The following DNAJC5B variants were observed in gnomAD, a reference collection of about 807,000 sequenced individuals.
DNAJC5B encodes DnaJ heat shock protein family (Hsp40) member C5 beta.
A neutral mutation model predicts 24.7 loss-of-function variants in DNAJC5B; 23 were observed. That is an observed-to-expected ratio of 0.93 (90% CI 0.67 to 1.32). The LOEUF (loss-of-function observed/expected upper bound fraction) is 1.32, where lower values mean the gene tolerates loss of function less well. Ranked by LOEUF, DNAJC5B falls within the 40% of genes most tolerant of loss-of-function variation. The pLI is 0.00. For missense variants in DNAJC5B, 238 were observed against 240.8 expected, an observed-to-expected ratio of 0.99 and a Z score of 0.08; for synonymous variants, 101 against 90.1, an observed-to-expected ratio of 1.12 and a Z score of -0.68.
chr8:66,098,590 CTCTT>C (rs1808005003), intron 5 of DNAJC5B, among the ~76,000 whole-genome samples: 1 of 151,990 alleles, frequency 6.6e-6, no homozygotes, highest in East Asian at 1.9e-4. Flanking sequence ...AATATTGTCT[CTCTT>C]TTTTTTTTCT....
intron 5 of DNAJC5B, among the ~76,000 whole-genome samples, chr8:66,093,130 T>G (rs1303837395): frequency 2.0e-5 from 3 of 152,192 alleles, no homozygotes; most frequent in Non-Finnish European, 4.4e-5. Flanking sequence ...ATAATTTACT[T>G]ATCCATTCTA....
intron 5 of DNAJC5B, among the ~76,000 whole-genome samples, chr8:66,086,553 A>G (rs974292605): frequency 3.3e-5 from 5 of 152,186 alleles, no homozygotes; most frequent in African/African-American, 1.2e-4. Flanking sequence ...TTATATAAAG[A>G]TGTTTAAAAG....
chr8:66,095,076 T>C (rs1386704832), intron 5 of DNAJC5B, among the ~76,000 whole-genome samples: 1 of 152,124 alleles, frequency 6.6e-6, no homozygotes, highest in East Asian at 1.9e-4. Context: ...TTCTCAAACT[T>C]TCCTTACTGT....
chr8:66,052,123 T>C (rs1467709769), intron 3 of DNAJC5B, among the ~76,000 whole-genome samples: 1 of 151,338 alleles, frequency 6.6e-6, no homozygotes, highest in Non-Finnish European at 1.5e-5. Flanking sequence ...AGCTAATTTT[T>C]TTTTTTTTTT....
chr8:66,090,103 A>T (rs1370250068), intron 5 of DNAJC5B, among the ~76,000 whole-genome samples: 1 of 152,148 alleles, frequency 6.6e-6, no homozygotes, highest in East Asian at 1.9e-4. Flanking sequence ...GTATATTTTT[A>T]AAAAGCTCAC....
intron 3 of DNAJC5B, chr8:66,058,004 A>G (rs898085753): frequency 2.0e-5 from 3 of 152,266 alleles, no homozygotes; most frequent in African/African-American, 7.2e-5. Flanking sequence ...GAAAGCAGAA[A>G]TATGGGTAAA....
Position 66,051,579 on chromosome 8 carries a change from G to T in DNAJC5B, c.32G>T (p.Arg11Leu), listed in dbSNP as rs139242175. The T allele has an allele frequency of 4.3e-6, 7 of 1,613,804 alleles. No homozygotes were observed. In the African/African-American group the frequency reaches 5.3e-5, roughly 12 times the overall value. The change falls in exon 3 of 6, where the codon CGG (arginine) becomes CTG (leucine). Residue 11 changes from arginine to leucine, a missense_variant. Coordinates refer to ENST00000276570, the MANE Select transcript of DNAJC5B (RefSeq NM_033105.6). MACNIPNQRQ[R>L]TLSTTGEALY... ...TGTAACATACCTAACCAAAGACAGC[G>T]GACTCTGTCAACAACAGGAGAAGCT...
chr8:66,031,194 AAT>A (rs1474750218), intron 1 of DNAJC5B, among the ~76,000 whole-genome samples: 3 of 152,248 alleles, frequency 2.0e-5, no homozygotes, highest in Non-Finnish European at 4.4e-5. Context: ...GGTAGTTATC[AAT>A]ATAAATTTAA....
At chr8:66,097,612 C>T (rs554966265) in intron 5 of DNAJC5B, among the ~76,000 whole-genome samples, 1 of 151,666 alleles carries the variant, frequency 6.6e-6, no homozygotes, top group South Asian at 2.1e-4. Context: ...AATTATATCT[C>T]TAAATTGGGT....
intron 3 of DNAJC5B, among the ~76,000 whole-genome samples, chr8:66,069,937 A>G (rs954917403): frequency 1.3e-5 from 2 of 152,256 alleles, no homozygotes; most frequent in Admixed American, 6.5e-5. Context: ...TCCATCAAGT[A>G]AACCGAACCA....
chr8:66,089,667 A>G (rs1807804041), intron 5 of DNAJC5B, among the ~76,000 whole-genome samples: 1 of 152,190 alleles, frequency 6.6e-6, no homozygotes, highest in Non-Finnish European at 1.5e-5. Context: ...TCTTTGTTCA[A>G]TAGTGGTGGT....
chr8:66,027,677 C>T (rs1032004344), intron 1 of DNAJC5B, among the ~76,000 whole-genome samples: 3 of 152,130 alleles, frequency 2.0e-5, no homozygotes, highest in Non-Finnish European at 4.4e-5. Context: ...ATTTAGAATG[C>T]AAAATCATTA....
chr8:66,074,480 A>G (rs936951388), intron 3 of DNAJC5B, among the ~76,000 whole-genome samples: 1 of 152,228 alleles, frequency 6.6e-6, no homozygotes, highest in African/African-American at 2.4e-5. Flanking sequence ...TAGATTTTGA[A>G]GTGGAAATTA....
chr8:66,067,379 A>G (rs1043843004), intron 3 of DNAJC5B, among the ~76,000 whole-genome samples: 2 of 152,108 alleles, frequency 1.3e-5, no homozygotes, highest in African/African-American at 2.4e-5. Context: ...CTGCAATTTT[A>G]TTGAGATTCT....
intron 3 of DNAJC5B, among the ~76,000 whole-genome samples, chr8:66,073,123 T>C (rs1807385360): frequency 6.6e-6 from 1 of 152,136 alleles, no homozygotes; most frequent in South Asian, 2.1e-4. Flanking sequence ...ATTGTCTATG[T>C]AGAAAATTTA....
At chr8:66,082,661 T>A (rs527526035) in intron 5 of DNAJC5B, among the ~76,000 whole-genome samples, 21 of 152,180 alleles carry the variant, frequency 1.4e-4, no homozygotes, top group Non-Finnish European at 2.1e-4. Context: ...AGGAAAAGCT[T>A]TATCTTGTTT....
At chr8:66,061,460 G>C (rs1304603721) in intron 3 of DNAJC5B, among the ~76,000 whole-genome samples, 2 of 152,100 alleles carry the variant, frequency 1.3e-5, no homozygotes, top group Non-Finnish European at 2.9e-5. Flanking sequence ...CATGGGTACT[G>C]GGTGCTACAA....
chr8:66,015,287 T>C, the DNAJC5B span, among the ~76,000 whole-genome samples: 1 of 152,312 alleles, frequency 6.6e-6, no homozygotes, highest in East Asian at 1.9e-4. Context: ...TTGGTAGTGA[T>C]GCCATGAAGG....
At chr8:66,015,210 C>T in the DNAJC5B span, among the ~76,000 whole-genome samples, 2 of 144,148 alleles carry the variant, frequency 1.4e-5, no homozygotes, top group Non-Finnish European at 3.0e-5. Context: ...GTCTTTGAGG[C>T]AAGGACATGG....
Sources: gnomAD v4.1 joint callset for allele counts (sites outside exome capture counted in the v4.1 genomes callset) on GRCh38, gnomAD v4.1.1 for gene constraint, MANE v1.5 for transcripts, NCBI Gene and HGNC (gene_info 2026-07-23, HGNC 2026-07-21) for gene names.